UNC5D: variants seen among roughly 807,000 people sequenced by gnomAD.
UNC5D encodes unc-5 netrin receptor D.
In UNC5D, 39 loss-of-function variants were observed where a neutral mutation model predicts 105.4. That is an observed-to-expected ratio of 0.37 (90% CI 0.29 to 0.48). UNC5D has a LOEUF of 0.48. Among genes scored for constraint, UNC5D ranks in the 20% least tolerant of loss-of-function variants. The pLI is 0.98. For missense variants in UNC5D, 991 were observed against 1,202.4 expected (o/e 0.82, Z 2.60); for synonymous variants, 452 against 450.4 (o/e 1.00, Z -0.04).
intron 3 of UNC5D, among the ~76,000 whole-genome samples, chr8:35,586,345 C>T (rs1251476945): frequency 6.6e-6 from 1 of 152,148 alleles, no homozygotes; most frequent in Non-Finnish European, 1.5e-5. Context: ...GGGAGGAGCG[C>T]AGATAATGTG....
chr8:35,302,751 C>T (rs2128871767), intron 1 of UNC5D, among the ~76,000 whole-genome samples: 1 of 152,124 alleles, frequency 6.6e-6, no homozygotes, highest in East Asian at 1.9e-4. Flanking sequence ...TACATTTGGA[C>T]TTTAAGGTAT....
chr8:35,334,399 T>A (rs760004418), intron 1 of UNC5D, among the ~76,000 whole-genome samples: 3 of 152,212 alleles, frequency 2.0e-5, no homozygotes, highest in Admixed American at 6.5e-5. Flanking sequence ...ATATAGTTTC[T>A]TTTCTAAGTA....
chr8:35,501,211 A>G (rs1423665423), intron 1 of UNC5D, among the ~76,000 whole-genome samples: 2 of 152,264 alleles, frequency 1.3e-5, no homozygotes, highest in East Asian at 3.8e-4. Context: ...AATGCCATCT[A>G]TCTAGAAAGG....
intron 1 of UNC5D, among the ~76,000 whole-genome samples, chr8:35,382,965 G>T (rs1005064348): frequency 2.0e-5 from 3 of 152,288 alleles, no homozygotes; most frequent in Non-Finnish European, 2.9e-5. Context: ...GGCAGCACAG[G>T]CTCAATAAAC....
chr8:35,442,728 C>T (rs746506485), intron 1 of UNC5D, among the ~76,000 whole-genome samples: 14 of 151,936 alleles, frequency 9.2e-5, no homozygotes, highest in Admixed American at 2.6e-4. Context: ...GCTCTCTTCC[C>T]GAGCAGAGAT....
chr8:35,503,890 T>C (rs1812133325), intron 1 of UNC5D, among the ~76,000 whole-genome samples: 2 of 152,298 alleles, frequency 1.3e-5, no homozygotes, highest in South Asian at 4.1e-4. Context: ...CTCAACATGC[T>C]AGCTGAGTGC....
intron 13 of UNC5D, among the ~76,000 whole-genome samples, chr8:35,757,719 A>C (rs1286096827): frequency 1.3e-5 from 2 of 152,124 alleles, no homozygotes; most frequent in Non-Finnish European, 2.9e-5. Context: ...AGTAAATCTC[A>C]AAAGAAGGAA....
At chr8:35,509,298 T>C (rs1400728106) in intron 1 of UNC5D, among the ~76,000 whole-genome samples, 1 of 151,418 alleles carries the variant, frequency 6.6e-6, no homozygotes, top group East Asian at 2.0e-4. Context: ...TTTACTATTG[T>C]AGCAAAGTAG....
chr8:35,744,850 C>T (rs532965834), intron 11 of UNC5D, among the ~76,000 whole-genome samples: 8 of 152,094 alleles, frequency 5.3e-5, no homozygotes, highest in African/African-American at 1.9e-4. Context: ...GTCAGGAGTT[C>T]GAGACCAGCC....
intron 1 of UNC5D, among the ~76,000 whole-genome samples, chr8:35,523,010 A>T (rs1456129078): frequency 3.3e-5 from 5 of 151,706 alleles, no homozygotes; most frequent in Non-Finnish European, 5.9e-5. Flanking sequence ...ATGGATCTAG[A>T]TGTATTTCTT....
chr8:35,418,378 CA>C (rs1054474709), intron 1 of UNC5D, among the ~76,000 whole-genome samples: 2 of 152,092 alleles, frequency 1.3e-5, no homozygotes, highest in African/African-American at 4.8e-5. Context: ...CTGCGAGTGC[CA>C]AAAGCTTGCT....
intron 4 of UNC5D, 132 bp from the exon 5 acceptor site, chr8:35,683,415 A>G (rs1433287201): frequency 1.1e-6 from 1 of 924,030 alleles, no homozygotes; most frequent in African/African-American, 1.8e-5. Context: ...TATGGAATAA[A>G]GAAACCAATC....
At position 35,512,539 on chromosome 8, in the gene UNC5D, GTATATA is replaced by G. The variant is rs71215633; in HGVS notation, c.104-36727_104-36722del. On this transcript the variant is annotated intron_variant, in intron 1 of 16. Transcript: ENST00000404895. ...ATAGATTATATATTCAGATATGTAT[GTATATA>G]TATATATATATATATATATATATAT... Among the ~76,000 whole-genome samples the G allele has an allele frequency of 1.5e-3, 60 of 40,278 alleles. 5 individuals carry two copies. The highest frequency in any genetic ancestry group is 6.1e-3 in the African/African-American group (45 of 7,428). The allele number at this position is 40,278 out of a possible 152,430, so 26.4% of individuals were successfully genotyped here.
intron 11 of UNC5D, among the ~76,000 whole-genome samples, chr8:35,740,849 C>A (rs1171241487): frequency 6.6e-6 from 1 of 152,104 alleles, no homozygotes; most frequent in Non-Finnish European, 1.5e-5. Context: ...ATGTTGGCCT[C>A]AAAACTCCTG....
chr8:35,784,367 A>G (rs1802643888), intron 16 of UNC5D, among the ~76,000 whole-genome samples: 1 of 152,148 alleles, frequency 6.6e-6, no homozygotes, highest in Non-Finnish European at 1.5e-5. Context: ...AGAGTTCCAA[A>G]GGAAAAGATA....
At chr8:35,545,509 G>A (rs758020494) in intron 1 of UNC5D, among the ~76,000 whole-genome samples, 2 of 152,124 alleles carry the variant, frequency 1.3e-5, no homozygotes, top group African/African-American at 2.4e-5. Flanking sequence ...AAGCCCTTTT[G>A]CTGGAGGGCA....
chr8:35,675,518 T>C (rs959929905), intron 4 of UNC5D, among the ~76,000 whole-genome samples: 1 of 152,154 alleles, frequency 6.6e-6, no homozygotes, highest in Non-Finnish European at 1.5e-5. Flanking sequence ...GCATCTATAA[T>C]ATATATGAAC....
chr8:35,538,439 A>ATATG (rs1563514252), intron 1 of UNC5D, among the ~76,000 whole-genome samples: 84 of 126,788 alleles, frequency 6.6e-4, no homozygotes, highest in African/African-American at 2.3e-3. Flanking sequence ...ATATATATAT[A>ATATG]TGAATTTTAT....
intron 1 of UNC5D, among the ~76,000 whole-genome samples, chr8:35,528,049 T>TA (rs1419675135): frequency 7.2e-6 from 1 of 139,858 alleles, no homozygotes; most frequent in East Asian, 1.9e-4. Flanking sequence ...GTTTTTTTTT[T>TA]TTTTTTTTTT....
Sources: gnomAD v4.1 joint callset for allele counts (sites outside exome capture counted in the v4.1 genomes callset) on GRCh38, gnomAD v4.1.1 for gene constraint, MANE v1.5 for transcripts, NCBI Gene and HGNC (gene_info 2026-07-23, HGNC 2026-07-21) for gene names.